The following GALK2 variants were observed in gnomAD, a reference collection of about 807,000 sequenced individuals.
GALK2 encodes the protein N-acetylgalactosamine kinase.
Under a neutral mutation model 52.4 loss-of-function variants are expected in GALK2, and 36 were observed. That is an observed-to-expected ratio of 0.69 (90% CI 0.53 to 0.91). The LOEUF (loss-of-function observed/expected upper bound fraction) is 0.91. Ranked by LOEUF, GALK2 falls within the 40% of genes least tolerant of loss-of-function variation. GALK2 has a pLI of 0.00. For synonymous variants in GALK2, 176 were observed against 199.1 expected (o/e 0.88, Z 0.98); for missense variants, 579 against 559.1 (o/e 1.04, Z -0.36).
intron 5 of GALK2, among the ~76,000 whole-genome samples, chr15:49,255,019 G>C (rs1042585615): frequency 2.1e-5 from 3 of 143,310 alleles, no homozygotes; most frequent in African/African-American, 7.5e-5. Context: ...AGCCATTTGG[G>C]AATTAATTGC....
intron 8 of GALK2, among the ~76,000 whole-genome samples, chr15:49,299,807 T>C (rs1567037857): frequency 7.4e-6 from 1 of 135,348 alleles, no homozygotes; most frequent in African/African-American, 2.9e-5. Context: ...TGCTGTAGTC[T>C]GAGAGCGTGA....
intron 2 of GALK2, among the ~76,000 whole-genome samples, chr15:49,204,353 C>T (rs1595652451): frequency 4.1e-5 from 6 of 147,924 alleles, no homozygotes; most frequent in Admixed American, 4.0e-4. Context: ...TGATTCCATA[C>T]AAATTTTAGA....
chr15:49,312,070 C>T (rs934169675), intron 8 of GALK2, among the ~76,000 whole-genome samples: 1 of 152,160 alleles, frequency 6.6e-6, no homozygotes, highest in Non-Finnish European at 1.5e-5. Context: ...GATTACTGCT[C>T]CCTGCATCCA....
At chr15:49,271,223 A>G (rs1232347018) in intron 5 of GALK2, among the ~76,000 whole-genome samples, 1 of 152,168 alleles carries the variant, frequency 6.6e-6, no homozygotes, top group Non-Finnish European at 1.5e-5. Flanking sequence ...CTTGGGTCAT[A>G]TTATTGTCTG....
chr15:49,265,885 C>T (rs2092343798), intron 5 of GALK2, among the ~76,000 whole-genome samples: 2 of 152,190 alleles, frequency 1.3e-5, no homozygotes. Flanking sequence ...AAGCCAGCTT[C>T]ATTAAAAAAG....
At chr15:49,250,872 A>C (rs1473064873) in intron 5 of GALK2, among the ~76,000 whole-genome samples, 1 of 152,194 alleles carries the variant, frequency 6.6e-6, no homozygotes, top group Non-Finnish European at 1.5e-5. Flanking sequence ...AAATCCTACT[A>C]TATCCAAAGC....
intron 8 of GALK2, among the ~76,000 whole-genome samples, chr15:49,308,869 G>T (rs887737317): frequency 5.9e-5 from 9 of 152,218 alleles, no homozygotes; most frequent in African/African-American, 2.2e-4. Flanking sequence ...CTGCTGCAGT[G>T]GGCAGATGGC....
chr15:49,356,317 G>C (rs1375519446), intron 3 of GALK2, among the ~76,000 whole-genome samples: 1 of 150,996 alleles, frequency 6.6e-6, no homozygotes, highest in African/African-American at 2.4e-5. Flanking sequence ...AGACCCATCA[G>C]TGTGCTGTAT....
At chr15:49,160,950 G>C (rs548019421) in intron 1 of GALK2, among the ~76,000 whole-genome samples, 1 of 152,080 alleles carries the variant, frequency 6.6e-6, no homozygotes, top group South Asian at 2.1e-4. Flanking sequence ...ACTTTTAATT[G>C]TTCAAAAGAG....
At chr15:49,366,538 C>T (rs1200377366) in intron 3 of GALK2, 1 of 1,550,482 alleles carries the variant, frequency 6.4e-7, no homozygotes, top group Admixed American at 1.7e-5. Context: ...GAAGAGCTGA[C>T]CAATGGGGGT....
At chr15:49,352,916 T>C (rs1018896963) in intron 3 of GALK2, among the ~76,000 whole-genome samples, 4 of 152,198 alleles carry the variant, frequency 2.6e-5, no homozygotes, top group Non-Finnish European at 5.9e-5. Context: ...TCTGTTACAC[T>C]GGTGTTCTGT....
At chr15:49,195,366 C>T (rs1234563534) in intron 1 of GALK2, among the ~76,000 whole-genome samples, 1 of 152,206 alleles carries the variant, frequency 6.6e-6, no homozygotes, top group Non-Finnish European at 1.5e-5. Flanking sequence ...CCACAGTGCC[C>T]AGCCCGTTTC....
At chr15:49,189,643 A>G (rs1020315297) in intron 1 of GALK2, among the ~76,000 whole-genome samples, 4 of 152,168 alleles carry the variant, frequency 2.6e-5, no homozygotes, top group African/African-American at 9.7e-5. Context: ...CATTATGGTT[A>G]CTTGAACACA....
intron 1 of GALK2, chr15:49,177,555 G>C (rs1011136613): frequency 2.9e-5 from 5 of 171,112 alleles, no homozygotes; most frequent in Non-Finnish European, 6.3e-5. Flanking sequence ...AGACATGACT[G>C]TCCTAAATTG....
At chr15:49,265,410 T>C (rs1167370088) in intron 5 of GALK2, among the ~76,000 whole-genome samples, 1 of 152,220 alleles carries the variant, frequency 6.6e-6, no homozygotes, top group Non-Finnish European at 1.5e-5. Flanking sequence ...GTGCCGTTTT[T>C]TAAGCCCGTC....
At chr15:49,335,492 G>A (rs148287477), downstream of GALK2, 22 of 1,612,072 alleles carry the variant, frequency 1.4e-5, no homozygotes, top group South Asian at 1.8e-4. Context: ...GTTGGAGCAG[G>A]TAGTGTGCTA....
At chr15:49,233,103 A>T (rs1333928250) in intron 3 of GALK2, among the ~76,000 whole-genome samples, 1 of 152,184 alleles carries the variant, frequency 6.6e-6, no homozygotes, top group East Asian at 1.9e-4. Context: ...AATACCTGAG[A>T]CTGAGTGATT....
At chr15:49,356,771 C>G (rs2043236010) in intron 3 of GALK2, among the ~76,000 whole-genome samples, 6 of 52,218 alleles carry the variant, frequency 1.1e-4, no homozygotes, top group East Asian at 5.0e-4. Flanking sequence ...CCCAAATCAA[C>G]AGAATATACA....
In GALK2 at chr15:49,259,211, AAG is replaced by A. The variant is rs1434406686; in HGVS notation, c.504+19845_504+19846del. Among the ~76,000 whole-genome samples the A allele has an allele frequency of 5.5e-4, 83 of 151,954 alleles. 1 individual carries two copies. The highest frequency in any genetic ancestry group is 4.6e-3 in the Admixed American group (70 of 15,228). On this transcript the variant is annotated intron_variant, in intron 5 of 9. Transcript: ENST00000560031. ...TTTTATTTTATTATTATTATACTTT[AAG>A]TTTTAGGGTACATGTGCACAATGTG...
Sources: allele counts gnomAD v4.1 joint callset (sites outside exome capture counted in the v4.1 genomes callset), GRCh38; gene constraint gnomAD v4.1.1; transcripts MANE v1.5; gene names NCBI Gene and HGNC (gene_info 2026-07-23, HGNC 2026-07-21).